PDE4D: variants seen among roughly 807,000 people sequenced by gnomAD.
PDE4D encodes the protein phosphodiesterase 4D.
Under a neutral mutation model 87.4 loss-of-function variants are expected in PDE4D, and 24 were observed. The observed-to-expected ratio is 0.27, with a 90% confidence interval of 0.20 to 0.39. The LOEUF (loss-of-function observed/expected upper bound fraction) is 0.39. PDE4D is among the 10% of genes least tolerant of loss of function. The pLI, the probability that PDE4D is intolerant of heterozygous loss-of-function variation, is 1.00. For missense variants in PDE4D, 714 were observed against 1,041.0 expected, an observed-to-expected ratio of 0.69 and a Z score of 4.32; for synonymous variants, 384 against 383.2, an observed-to-expected ratio of 1.00 and a Z score of -0.02.
At chr5:59,001,387 C>T (rs192948089) in intron 6 of PDE4D, among the ~76,000 whole-genome samples, 23 of 152,268 alleles carry the variant, frequency 1.5e-4, no homozygotes, top group African/African-American at 5.1e-4. Flanking sequence ...CTCTGATAAG[C>T]ACTCCTGTAA....
In PDE4D at chr5:60,013,202, T is replaced by C. The variant is rs192220210; in HGVS notation, c.43-24485A>G. On this transcript the variant is annotated intron_variant, in intron 2 of 16. Coordinates refer to the PDE4D transcript ENST00000502484. ...CCATCACTGTGTGTTCTCATATAAC[T>C]GTGATCCCTGATCTCAAACTTCCAC... Among the ~76,000 whole-genome samples, 56 of 152,324 alleles carry C rather than the reference T, an allele frequency of 3.7e-4. 1 individual carries two copies. The highest frequency in any genetic ancestry group is 3.4e-3 in the Middle Eastern group (1 of 294).
chr5:59,187,038 CAA>C (rs1743080293), intron 3 of PDE4D, among the ~76,000 whole-genome samples: 2 of 152,124 alleles, frequency 1.3e-5, no homozygotes, highest in African/African-American at 4.8e-5. Context: ...CCTTCCTAGG[CAA>C]AATTTTTAAC....
At chr5:60,217,713 G>C (rs1342920192) in intron 1 of PDE4D, among the ~76,000 whole-genome samples, 1 of 151,514 alleles carries the variant, frequency 6.6e-6, no homozygotes, top group Non-Finnish European at 1.5e-5. Flanking sequence ...AACAAAAAAA[G>C]ACAATTAAAG....
At chr5:59,279,589 G>GATA (rs758780896) in intron 1 of PDE4D, among the ~76,000 whole-genome samples, 57 of 151,854 alleles carry the variant, frequency 3.8e-4, no homozygotes, top group Non-Finnish European at 7.7e-4. Flanking sequence ...GTCAGGTTAG[G>GATA]ATAATAATAA....
intron 5 of PDE4D, among the ~76,000 whole-genome samples, chr5:59,050,377 A>G (rs554896120): frequency 1.2e-4 from 18 of 152,302 alleles, no homozygotes; most frequent in African/African-American, 4.3e-4. Flanking sequence ...CTTATGTACA[A>G]TTTTTAATCT....
intron 6 of PDE4D, among the ~76,000 whole-genome samples, chr5:59,030,556 T>C (rs368952809): frequency 2.4e-4 from 35 of 147,384 alleles, no homozygotes; most frequent in Middle Eastern, 3.6e-3. Flanking sequence ...CTGGGCAAAA[T>C]AGCAAGACCC....
intron 5 of PDE4D, among the ~76,000 whole-genome samples, chr5:59,163,154 C>A (rs1426976984): frequency 6.6e-6 from 1 of 150,382 alleles, no homozygotes; most frequent in Non-Finnish European, 1.5e-5. Context: ...CCATGTTGCC[C>A]AGGCTGATCT....
chr5:59,088,625 A>G (rs1165037370), intron 5 of PDE4D, among the ~76,000 whole-genome samples: 1 of 152,208 alleles, frequency 6.6e-6, no homozygotes, highest in Non-Finnish European at 1.5e-5. Context: ...AAGCCATAAA[A>G]AAGAATGAGA....
intron 1 of PDE4D, among the ~76,000 whole-genome samples, chr5:59,256,845 A>G (rs1761074024): frequency 6.6e-6 from 1 of 152,206 alleles, no homozygotes; most frequent in East Asian, 1.9e-4. Context: ...ACTAAAAATC[A>G]ATACATTATA....
chr5:60,388,746 G>A (rs1248866634), intron 1 of PDE4D, among the ~76,000 whole-genome samples: 1 of 152,224 alleles, frequency 6.6e-6, no homozygotes, highest in Admixed American at 6.5e-5. Flanking sequence ...AGGTTAGAGG[G>A]AAAGATTCCG....
At chr5:60,039,622 A>G (rs1201458601) in intron 2 of PDE4D, among the ~76,000 whole-genome samples, 1 of 152,030 alleles carries the variant, frequency 6.6e-6, no homozygotes, top group Non-Finnish European at 1.5e-5. Flanking sequence ...AATAAAAAAT[A>G]TAGATATATA....
intron 1 of PDE4D, among the ~76,000 whole-genome samples, chr5:59,555,361 G>A (rs1003553063): frequency 2.0e-5 from 3 of 152,104 alleles, no homozygotes; most frequent in Admixed American, 2.0e-4. Context: ...AGGGTGGTAT[G>A]AGGGAGACAA....
Position 60,516,063 on chromosome 5 carries a change from G to A in PDE4D, n.70+5988C>T, listed in dbSNP as rs112912688. The stretch of plus-strand genomic sequence containing the variant: ...ACCTACCACTGCCAGGTATTTCGCA[G>A]CTATACCATTTCACTTGTGCTCAGA... On this transcript the variant is annotated intron_variant and non_coding_transcript_variant, in intron 1 of 2. Coordinates refer to the PDE4D transcript ENST00000506510. Among the ~76,000 whole-genome samples, 55 of 152,300 alleles carry A rather than the reference G, an allele frequency of 3.6e-4. 2 individuals carry two copies. Among genetic ancestry groups the A allele is most frequent in the African/African-American group, 1.3e-3 (55 of 41,556 alleles).
At chr5:59,984,036 A>T (rs1398330082) in intron 3 of PDE4D, among the ~76,000 whole-genome samples, 2 of 139,976 alleles carry the variant, frequency 1.4e-5, no homozygotes, top group East Asian at 3.9e-4. Flanking sequence ...ACAAACATGG[A>T]TATCAAAAAA....
chr5:58,977,409 A>G lies in PDE4D; in HGVS notation c.1553-64T>C, dbSNP rs1338406472. ...TTTGTGAGAAGTTTATCTGATTCTT[A>G]AAATTCTGGATTTAGGATGTAATTT... On this transcript the variant is annotated intron_variant, in intron 11 of 14. Transcript: ENST00000340635. 4 of 1,484,582 alleles carry G rather than the reference A, an allele frequency of 2.7e-6. No homozygotes were observed. The Admixed American group carries it at 6.0e-5, about 22-fold the overall frequency. The allele number at this position is 1,484,582 out of a possible 1,614,324, so 92.0% of individuals were successfully genotyped here.
intron 1 of PDE4D, among the ~76,000 whole-genome samples, chr5:59,642,516 G>A (rs1260858412): frequency 1.3e-5 from 2 of 152,090 alleles, no homozygotes; most frequent in African/African-American, 4.8e-5. Context: ...TATTCTCGTG[G>A]TGGTGAATAA....
chr5:59,406,729 C>T (rs1259240190), intron 1 of PDE4D, among the ~76,000 whole-genome samples: 1 of 152,034 alleles, frequency 6.6e-6, no homozygotes, highest in Non-Finnish European at 1.5e-5. Flanking sequence ...TTAGCATCTT[C>T]TTTCATTGTT....
intron 1 of PDE4D, among the ~76,000 whole-genome samples, chr5:59,638,143 A>T (rs1580064826): frequency 6.6e-6 from 1 of 152,294 alleles, no homozygotes; most frequent in Middle Eastern, 3.4e-3. Context: ...AAGTAAAGTG[A>T]TTTGAGAAGG....
chr5:60,430,549 G>GTT (rs34406756), intron 1 of PDE4D, among the ~76,000 whole-genome samples: 2,871 of 131,908 alleles, frequency 0.022, 88 homozygotes, highest in African/African-American at 0.082. Flanking sequence ...TTTTTTGTTT[G>GTT]TTTTTTTTTT....
Sources: gnomAD v4.1 joint callset for allele counts (sites outside exome capture counted in the v4.1 genomes callset) on GRCh38, gnomAD v4.1.1 for gene constraint, MANE v1.5 for transcripts, NCBI Gene and HGNC (gene_info 2026-07-23, HGNC 2026-07-21) for gene names.